Variants in COL21A1 observed in about 807,000 individuals in gnomAD.
COL21A1 encodes collagen alpha-1(XXI) chain.
A neutral mutation model predicts 137.9 loss-of-function variants in COL21A1; 149 were observed. The observed-to-expected ratio is 1.08, with a 90% CI of 0.95 to 1.24. COL21A1 has a LOEUF of 1.24. Among genes scored for constraint, COL21A1 ranks in the 50% most tolerant of loss-of-function variants. The probability of loss-of-function intolerance (pLI) is 0.00; values close to 1 mark genes in which losing one functional copy is unlikely to be tolerated. For missense variants in COL21A1, 1,167 were observed against 1,158.4 expected, an observed-to-expected ratio of 1.01 and a Z score of -0.11; for synonymous variants, 456 against 391.5, an observed-to-expected ratio of 1.16 and a Z score of -1.95.
chr6:56,223,711 A>G (rs1469862748), intron 1 of COL21A1, among the ~76,000 whole-genome samples: 2 of 152,126 alleles, frequency 1.3e-5, no homozygotes, highest in African/African-American at 4.8e-5. Context: ...ATGGTAAACT[A>G]CCTTTAAATC....
rs78820557 is a variant in COL21A1, at chr6:56,129,675, C to CGTGTGTGTGTGTGTGTGTGTGT, written c.1543-3548_1543-3527dup. Among the ~76,000 whole-genome samples the CGTGTGTGTGTGTGTGTGTGTGT allele has an allele frequency of 1.4e-4, 19 of 136,508 alleles. No homozygotes were observed. The East Asian group carries it at 2.3e-3, about 16-fold the overall frequency. 89.6% of individuals were successfully genotyped at this position (136,508 alleles called of 152,430 possible). Reference sequence around the variant, plus strand: ...TGTTGCTTCCTCTGTCACGTGCGTGCGTGTGTGTGTGTGTGTGTGTGTGTG... The same window carrying CGTGTGTGTGTGTGTGTGTGTGT: ...TGTTGCTTCCTCTGTCACGTGCGTGCGTGTGTGTGTGTGTGTGTGTGTGTGTGTGTGTGTGTGTGTGTGTGTG... On this transcript the variant is annotated intron_variant, in intron 12 of 29. Coordinates refer to ENST00000244728, the MANE Select transcript of COL21A1 (RefSeq NM_030820.4).
At chr6:56,169,810 T>C (rs970808061) in intron 5 of COL21A1, among the ~76,000 whole-genome samples, 1 of 152,034 alleles carries the variant, frequency 6.6e-6, no homozygotes, top group Non-Finnish European at 1.5e-5. Flanking sequence ...TTGAATATCC[T>C]ATTGTAAATA....
intron 1 of COL21A1, among the ~76,000 whole-genome samples, chr6:56,321,798 T>C (rs1280848043): frequency 6.6e-6 from 1 of 152,052 alleles, no homozygotes; most frequent in Non-Finnish European, 1.5e-5. Flanking sequence ...CCCCCTTACA[T>C]CTACAAGAGA....
chr6:56,151,732 T>C (rs752368970), intron 10 of COL21A1, among the ~76,000 whole-genome samples: 1 of 152,292 alleles, frequency 6.6e-6, no homozygotes, highest in East Asian at 1.9e-4. Flanking sequence ...TCCCTTCAAA[T>C]TGTTCCTTCC....
intron 16 of COL21A1, among the ~76,000 whole-genome samples, chr6:56,114,231 G>A (rs1771697787): frequency 1.3e-5 from 2 of 152,342 alleles, no homozygotes; most frequent in East Asian, 3.9e-4. Flanking sequence ...GCAGCAGCCA[G>A]AGAGTGGTCA....
chr6:56,167,459 G>A (rs1776682066), intron 6 of COL21A1, among the ~76,000 whole-genome samples: 1 of 152,158 alleles, frequency 6.6e-6, no homozygotes, highest in Admixed American at 6.5e-5. Context: ...ACTACAATTT[G>A]ACATGTAGCA....
intron 9 of COL21A1, among the ~76,000 whole-genome samples, chr6:56,157,281 A>G (rs1775829419): frequency 1.3e-5 from 2 of 150,270 alleles, no homozygotes; most frequent in Non-Finnish European, 3.0e-5. Flanking sequence ...TATGGTCTCC[A>G]TGATAGCAAT....
chr6:56,068,200 C>T, intron 22 of COL21A1, among the ~76,000 whole-genome samples: 1 of 151,520 alleles, frequency 6.6e-6, no homozygotes, highest in East Asian at 1.9e-4. Context: ...GCCCAAGGAT[C>T]ATACTGTGTA....
chr6:56,070,712 C>A, intron 21 of COL21A1, 33 bp downstream of exon 21: 1 of 1,451,266 alleles, frequency 6.9e-7, no homozygotes, highest in South Asian at 1.3e-5. Flanking sequence ...ATTATAATTT[C>A]TTTGAAAATA....
chr6:56,339,028 C>T (rs1023494628), intron 1 of COL21A1, among the ~76,000 whole-genome samples: 2 of 152,194 alleles, frequency 1.3e-5, no homozygotes, highest in African/African-American at 4.8e-5. Flanking sequence ...ATAGGAACTA[C>T]TCTGTAGCAT....
intron 1 of COL21A1, among the ~76,000 whole-genome samples, chr6:56,347,517 T>TAAAAAAAAAAA: frequency 7.9e-6 from 1 of 127,178 alleles, no homozygotes; most frequent in Admixed American, 8.0e-5. Context: ...AGGAAGCATT[T>TAAAAAAAAAAA]AAAAAAAAAA....
At chr6:56,223,618 GT>G (rs1780996017) in intron 1 of COL21A1, among the ~76,000 whole-genome samples, 1 of 151,986 alleles carries the variant, frequency 6.6e-6, no homozygotes, top group African/African-American at 2.4e-5. Context: ...TTACATTGGG[GT>G]TTTGGGTAAG....
At position 56,327,278 on chromosome 6, in the gene COL21A1, TAAA is replaced by T. The variant is rs1285703079; in HGVS notation, c.-39+66690_-39+66692del. Among the ~76,000 whole-genome samples, 2 of 151,442 alleles carry T rather than the reference TAAA, an allele frequency of 1.3e-5. 1 individual carries two copies. Among genetic ancestry groups the T allele is most frequent in the East Asian group, 3.9e-4 (2 of 5,178 alleles). On this transcript the variant is annotated intron_variant, in intron 1 of 28. Transcript: ENST00000370819. ...TCATTAAATAAAATATTTAAAATGT[TAAA>T]AAATTAAAAATGTTAAAAAATACTT...
chr6:56,269,074 C>T (rs1763461540), intron 1 of COL21A1, among the ~76,000 whole-genome samples: 1 of 152,138 alleles, frequency 6.6e-6, no homozygotes, highest in African/African-American at 2.4e-5. Flanking sequence ...AAATCAAAAA[C>T]TTCTAAAATA....
chr6:56,388,048 G>A (rs2094021636), intron 1 of COL21A1, among the ~76,000 whole-genome samples: 1 of 152,142 alleles, frequency 6.6e-6, no homozygotes, highest in Non-Finnish European at 1.5e-5. Flanking sequence ...AGAGAACTTT[G>A]TCTTGCAACT....
intron 1 of COL21A1, among the ~76,000 whole-genome samples, chr6:56,220,033 A>G (rs1218293494): frequency 6.6e-6 from 1 of 152,080 alleles, no homozygotes; most frequent in African/African-American, 2.4e-5. Flanking sequence ...TATTTTTTCA[A>G]TTTTCAATAA....
At chr6:56,206,726 A>ATATATG in intron 1 of COL21A1, among the ~76,000 whole-genome samples, 2 of 110,624 alleles carry the variant, frequency 1.8e-5, no homozygotes, top group Non-Finnish European at 3.8e-5. Context: ...ATATATATAT[A>ATATATG]TATATATATA....
chr6:56,359,410 C>T (rs536764162), intron 1 of COL21A1, among the ~76,000 whole-genome samples: 17 of 152,232 alleles, frequency 1.1e-4, no homozygotes, highest in African/African-American at 2.9e-4. Context: ...CAGATGATTA[C>T]CCACCAGAGG....
chr6:56,274,345 T>C (rs1763592574), intron 1 of COL21A1, among the ~76,000 whole-genome samples: 1 of 152,086 alleles, frequency 6.6e-6, no homozygotes, highest in Non-Finnish European at 1.5e-5. Context: ...CTATTCAACA[T>C]AGTACTGGAA....
Sources: gnomAD v4.1 joint callset for allele counts (sites outside exome capture counted in the v4.1 genomes callset) on GRCh38, gnomAD v4.1.1 for gene constraint, MANE v1.5 for transcripts, NCBI Gene and HGNC (gene_info 2026-07-23, HGNC 2026-07-21) for gene names.